The following HEMK2 variants were observed in gnomAD, a reference collection of about 807,000 sequenced individuals.
The protein encoded by HEMK2 is methyltransferase HEMK2.
chr21:28,592,342 G>T, the HEMK2 span, among the ~76,000 whole-genome samples: 20 of 152,188 alleles, frequency 1.3e-4, no homozygotes, highest in Non-Finnish European at 1.9e-4. Context: ...GGCAGTAGTT[G>T]TGCAGTCATT....
At chr21:28,651,131 T>C in the HEMK2 span, among the ~76,000 whole-genome samples, 4 of 152,210 alleles carry the variant, frequency 2.6e-5, no homozygotes, top group Non-Finnish European at 5.9e-5. Flanking sequence ...GAAATAAGTA[T>C]AAATTGTGCT....
At chr21:28,644,392 C>T in the HEMK2 span, among the ~76,000 whole-genome samples, 1 of 152,114 alleles carries the variant, frequency 6.6e-6, no homozygotes, top group Middle Eastern at 3.2e-3. Context: ...ATCACAATTC[C>T]AGGTAAGATT....
the HEMK2 span, among the ~76,000 whole-genome samples, chr21:28,761,035 G>A: frequency 6.6e-6 from 1 of 151,880 alleles, no homozygotes; most frequent in Non-Finnish European, 1.5e-5. Context: ...AATAATTCCA[G>A]TGATTTTATT....
At chr21:28,656,146 G>T in the HEMK2 span, among the ~76,000 whole-genome samples, 1 of 152,074 alleles carries the variant, frequency 6.6e-6, no homozygotes, top group Non-Finnish European at 1.5e-5. Flanking sequence ...TGAAGGTTTA[G>T]AAGATGATGG....
At chr21:28,803,387 C>G in the HEMK2 span, among the ~76,000 whole-genome samples, 1 of 152,046 alleles carries the variant, frequency 6.6e-6, no homozygotes, top group East Asian at 1.9e-4. Flanking sequence ...TATACATAGT[C>G]AGTTTTTTGA....
the HEMK2 span, among the ~76,000 whole-genome samples, chr21:28,592,544 G>C: frequency 1.3e-5 from 2 of 152,218 alleles, no homozygotes; most frequent in African/African-American, 4.8e-5. Context: ...AAATTAAAGA[G>C]AGGCTTCTAA....
At chr21:28,753,372 A>G in the HEMK2 span, among the ~76,000 whole-genome samples, 1 of 151,744 alleles carries the variant, frequency 6.6e-6, no homozygotes, top group Non-Finnish European at 1.5e-5. Flanking sequence ...AAAAAAAAAA[A>G]AAGTAGAAGG....
chr21:28,588,752 C>T, the HEMK2 span, among the ~76,000 whole-genome samples: 1 of 152,002 alleles, frequency 6.6e-6, no homozygotes, highest in Admixed American at 6.6e-5. Flanking sequence ...GGTCGGATCA[C>T]GAGGTCGGAT....
the HEMK2 span, chr21:28,876,032 G>T: frequency 6.1e-6 from 1 of 163,346 alleles, no homozygotes; most frequent in Non-Finnish European, 1.3e-5. Context: ...CCGGAGATAC[G>T]ACAATGAAGG....
the HEMK2 span, among the ~76,000 whole-genome samples, chr21:28,744,925 A>C: frequency 6.6e-6 from 1 of 152,236 alleles, no homozygotes; most frequent in African/African-American, 2.4e-5. Context: ...CTGAAGGAAT[A>C]CTGCACTTTA....
chr21:28,693,143 T>C, the HEMK2 span, among the ~76,000 whole-genome samples: 6 of 152,260 alleles, frequency 3.9e-5, no homozygotes, highest in East Asian at 1.9e-4. Flanking sequence ...AGGGGGGACT[T>C]TGTGGTAATG....
At chr21:28,765,293 T>C in the HEMK2 span, among the ~76,000 whole-genome samples, 1 of 152,080 alleles carries the variant, frequency 6.6e-6, no homozygotes, top group Admixed American at 6.6e-5. Flanking sequence ...TTTAACATTA[T>C]GGTTTCAGCC....
chr21:28,841,222 T>A, the HEMK2 span, among the ~76,000 whole-genome samples: 6 of 11,474 alleles, frequency 5.2e-4, no homozygotes, highest in South Asian at 2.9e-3. Context: ...TTATATATAT[T>A]ATATATTATA....
chr21:28,850,867 G>GTT, the HEMK2 span, among the ~76,000 whole-genome samples: 2 of 152,200 alleles, frequency 1.3e-5, no homozygotes, highest in African/African-American at 4.8e-5. Flanking sequence ...AACTCCCCAA[G>GTT]AAGCTATCAG....
chr21:28,878,759 G>C, the HEMK2 span, among the ~76,000 whole-genome samples: 1 of 151,604 alleles, frequency 6.6e-6, no homozygotes, highest in African/African-American at 2.4e-5. Context: ...AGAGACATGG[G>C]TAGCTTTTGT....
the HEMK2 span, among the ~76,000 whole-genome samples, chr21:28,665,245 C>G: frequency 2.0e-5 from 3 of 150,624 alleles, no homozygotes; most frequent in African/African-American, 7.3e-5. Context: ...TGCACTCCAG[C>G]CTGGGTGACA....
At chr21:28,786,326 G>A in the HEMK2 span, among the ~76,000 whole-genome samples, 1 of 152,182 alleles carries the variant, frequency 6.6e-6, no homozygotes, top group Non-Finnish European at 1.5e-5. Flanking sequence ...TTCACCCATA[G>A]GTCAAGTCTG....
the HEMK2 span, among the ~76,000 whole-genome samples, chr21:28,866,175 A>AAAAAAAAACAC: frequency 1.3e-3 from 100 of 76,228 alleles, 2 homozygotes; most frequent in African/African-American, 3.1e-3. Context: ...CAAAAAAAAA[A>AAAAAAAAACAC]ACACACACAC....
chr21:28,795,174 C>T, the HEMK2 span, among the ~76,000 whole-genome samples: 13 of 152,150 alleles, frequency 8.5e-5, no homozygotes, highest in Non-Finnish European at 1.8e-4. Flanking sequence ...AATAGATACA[C>T]TGAGAAAGAA....
Sources: allele counts gnomAD v4.1 joint callset (sites outside exome capture counted in the v4.1 genomes callset), GRCh38; gene constraint gnomAD v4.1.1; transcripts MANE v1.5; gene names NCBI Gene and HGNC (gene_info 2026-07-23, HGNC 2026-07-21).